Variants in SCN2A observed in about 807,000 individuals in gnomAD.
SCN2A encodes the protein sodium channel protein type 2 subunit alpha.
A neutral mutation model predicts 188.7 loss-of-function variants in SCN2A; 20 were observed. The ratio of observed to expected loss-of-function variants is 0.11; its 90% CI spans 0.07 to 0.15. SCN2A has a LOEUF of 0.15. Ranked by LOEUF, SCN2A falls within the 10% of genes least tolerant of loss-of-function variation. SCN2A has a pLI of 1.00. For synonymous variants in SCN2A, 804 were observed against 833.1 expected (o/e 0.97, Z 0.60); for missense variants, 1,278 against 2,445.0 (o/e 0.52, Z 10.07).
chr2:165,292,880 A>G (rs935994104), intron 1 of SCN2A, among the ~76,000 whole-genome samples: 4 of 152,372 alleles, frequency 2.6e-5, no homozygotes, highest in Admixed American at 2.0e-4. Context: ...GAAATAATAC[A>G]GGGCAAATGT....
intron 1 of SCN2A, among the ~76,000 whole-genome samples, chr2:165,289,489 G>C (rs933981752): frequency 6.6e-6 from 1 of 151,962 alleles, no homozygotes; most frequent in South Asian, 2.1e-4. Context: ...CAAATATAGT[G>C]TCTGGCCTTA....
At chr2:165,267,684 A>G (rs1276613749) in intron 1 of SCN2A, 1 of 151,922 alleles carries the variant, frequency 6.6e-6, no homozygotes, top group African/African-American at 2.4e-5. Flanking sequence ...ATATTTGCAA[A>G]CCATATGTTC....
chr2:165,350,464 C>CTTTTTTTTTTTTTTTTTTTTTTTTT (rs71028479), intron 16 of SCN2A, among the ~76,000 whole-genome samples: 4 of 73,846 alleles, frequency 5.4e-5, no homozygotes, highest in African/African-American at 1.2e-4. Flanking sequence ...TGTTTTCTTT[C>CTTTTTTTTTTTTTTTTTTTTTTTTT]TTTTTTTTTT....
At chr2:165,380,894 T>C in intron 24 of SCN2A, 165 bp downstream of exon 24, 1 of 707,692 alleles carries the variant, frequency 1.4e-6, no homozygotes, top group Non-Finnish European at 2.4e-6. Flanking sequence ...ATAATTCAGA[T>C]AGCATGTTTT....
At chr2:165,317,015 A>G (rs1288611388) in intron 11 of SCN2A, among the ~76,000 whole-genome samples, 2 of 152,194 alleles carry the variant, frequency 1.3e-5, no homozygotes, top group East Asian at 1.9e-4. Context: ...AAGGAAATTT[A>G]CAATATAACT....
chr2:165,354,468 A>C lies in SCN2A; in HGVS notation c.3196A>C (p.Asn1066His), dbSNP rs748876017. ...HTTIEIGKDLNYLKDGNGTTS... is the reference protein window; with the variant it reads ...HTTIEIGKDLHYLKDGNGTTS... Reference sequence around the variant, plus strand: ...CACCATAGAAATAGGCAAAGACCTCAATTATCTCAAAGACGGAAATGGAAC... The same window carrying C: ...CACCATAGAAATAGGCAAAGACCTCCATTATCTCAAAGACGGAAATGGAAC... The change falls in exon 17 of 27, where the codon AAT (asparagine) becomes CAT (histidine). Residue 1066 changes from asparagine (N) to histidine (H), a missense_variant. Around this residue, in one of 17 missense-constraint regions of SCN2A, gnomAD observed 228 missense variants for 297.3 expected, o/e 0.77. Transcript: ENST00000375437. 180 of 1,614,024 alleles carry C rather than the reference A, an allele frequency of 1.1e-4. No individual in the cohort carries two copies. Among genetic ancestry groups the C allele is most frequent in the Non-Finnish European group, 1.5e-4 (178 of 1,180,014 alleles).
intron 13 of SCN2A, among the ~76,000 whole-genome samples, chr2:165,330,629 G>T (rs185601331): frequency 2.9e-4 from 44 of 152,182 alleles, no homozygotes; most frequent in African/African-American, 1.1e-3. Context: ...TGAATTATAT[G>T]TATGTTTCAC....
At chr2:165,358,918 C>A (rs189582064) in intron 17 of SCN2A, among the ~76,000 whole-genome samples, 3 of 152,158 alleles carry the variant, frequency 2.0e-5, no homozygotes, top group Admixed American at 1.3e-4. Flanking sequence ...ATGTTGAAAT[C>A]ACAGTTTTAT....
chr2:165,310,203 C>A, intron 6 of SCN2A, 120 bp from the exon 7 acceptor site: 1 of 1,078,798 alleles, frequency 9.3e-7, no homozygotes. Context: ...AAACATTAAA[C>A]TAATATTGTT....
chr2:165,283,497 A>G (rs1695674255), intron 1 of SCN2A, among the ~76,000 whole-genome samples: 1 of 152,238 alleles, frequency 6.6e-6, no homozygotes, highest in Admixed American at 6.5e-5. Flanking sequence ...GGATAAGAGT[A>G]CATTCATTAT....
At chr2:165,328,379 A>G (rs1698479269) in intron 13 of SCN2A, 2 of 526,646 alleles carry the variant, frequency 3.8e-6, no homozygotes, top group South Asian at 1.6e-4. Flanking sequence ...AGCTGCCAGT[A>G]GCTTGCTCCT....
At chr2:165,341,154 C>T (rs953344182) in intron 14 of SCN2A, among the ~76,000 whole-genome samples, 9 of 152,126 alleles carry the variant, frequency 5.9e-5, no homozygotes, top group East Asian at 1.9e-4. Flanking sequence ...AGTGCAGTGG[C>T]GCTATCTCGG....
chr2:165,378,455 T>C (rs1701430115), intron 23 of SCN2A, among the ~76,000 whole-genome samples: 1 of 151,708 alleles, frequency 6.6e-6, no homozygotes, highest in African/African-American at 2.4e-5. Context: ...ATAGTAATAA[T>C]AATTTATTGA....
intron 1 of SCN2A, among the ~76,000 whole-genome samples, chr2:165,245,915 G>T: frequency 6.6e-6 from 1 of 152,170 alleles, no homozygotes; most frequent in East Asian, 1.9e-4. Context: ...CAGCTAAGCT[G>T]CTCCAATTAC....
Position 165,323,706 on chromosome 2 carries a change from G to A in SCN2A, c.2016+206G>A, listed in dbSNP as rs533427083. Among the ~76,000 whole-genome samples, 3 of 152,280 alleles carry A rather than the reference G, an allele frequency of 2.0e-5. No individual in the cohort carries two copies. In the South Asian group the frequency reaches 6.2e-4, roughly 32 times the overall value. Reference sequence around the variant, plus strand: ...TTAAAAACCTAGGTTGGCTGTCAGAGAATATAATTAGAAGTAATCTTTCAT... The same window carrying A: ...TTAAAAACCTAGGTTGGCTGTCAGAAAATATAATTAGAAGTAATCTTTCAT... On this transcript the variant is annotated intron_variant, in intron 12 of 26. Coordinates refer to ENST00000375437, the MANE Select transcript of SCN2A (RefSeq NM_001040142.2).
rs1212089522 is a variant in SCN2A, at chr2:165,313,653, T to A, written c.1068T>A (p.Ala356=). The change falls in exon 9 of 27, where the codon GCT becomes GCA. Residue 356 remains alanine (A), a synonymous_variant. Coordinates refer to ENST00000375437, the MANE Select transcript of SCN2A (RefSeq NM_001040142.2). Reference sequence around the variant, plus strand: ...CTGAAGGATACATCTGTGTGAAGGCTGGTAGAAACCCCAACTATGGCTACA... The same window carrying A: ...CTGAAGGATACATCTGTGTGAAGGCAGGTAGAAACCCCAACTATGGCTACA... ...QCPEGYICVK[A]GRNPNYGYTS... 6.2e-7 allele frequency: 1 copy of A among 1,613,672 alleles called. No individual in the cohort carries two copies. Among genetic ancestry groups the A allele is most frequent in the South Asian group, 1.1e-5 (1 of 91,080 alleles).
At chr2:165,333,740 A>G (rs1394569503) in intron 14 of SCN2A, among the ~76,000 whole-genome samples, 1 of 150,446 alleles carries the variant, frequency 6.6e-6, no homozygotes, top group Non-Finnish European at 1.5e-5. Context: ...AATAAACTAG[A>G]TAAAGAATAG....
chr2:165,388,745 C>T lies in SCN2A; in HGVS notation c.4939C>T (p.Arg1647Cys). ...TCTGATCAAAGGAGCAAAGGGGATC[C>T]GCACGCTGCTCTTTGCTTTGATGAT... ...LRLIKGAKGI[R>C]TLLFALMMSL... is the part of the protein sequence containing the mutation. Residue 1647 changes from arginine to cysteine, a missense_variant, in exon 27 of 27, where the codon CGC becomes TGC. Arg to Cys is a radical substitution (Grantham distance 180, BLOSUM62 -3). Transcript: ENST00000375437. The T allele has an allele frequency of 1.2e-6, 2 of 1,614,014 alleles. No homozygotes were observed. The highest frequency in any genetic ancestry group is 2.2e-5 in the South Asian group (2 of 91,074).
intron 1 of SCN2A, chr2:165,269,054 G>C (rs1161955865): frequency 6.6e-6 from 1 of 151,922 alleles, no homozygotes; most frequent in Non-Finnish European, 1.5e-5. Flanking sequence ...AGTTAAACAG[G>C]AGGAATAAGT....
Sources: gnomAD v4.1 joint callset for allele counts (sites outside exome capture counted in the v4.1 genomes callset) on GRCh38, gnomAD v4.1.1 for gene constraint, gnomAD v4.1.1 regional missense constraint, MANE v1.5 for transcripts, NCBI Gene and HGNC (gene_info 2026-07-23, HGNC 2026-07-21) for gene names.